The following ARMC9 variants were observed in gnomAD, a reference collection of about 807,000 sequenced individuals.
ARMC9 encodes armadillo repeat containing 9.
ARMC9 carries 94 observed loss-of-function variants against 107.0 expected under a neutral mutation model. The ratio of observed to expected loss-of-function variants is 0.88; its 90% CI spans 0.74 to 1.04. The LOEUF is 1.04. Among genes scored for constraint, ARMC9 ranks in the 50% least tolerant of loss-of-function variants. ARMC9 has a pLI of 0.00. For synonymous variants in ARMC9, 380 were observed against 396.9 expected (o/e 0.96, Z 0.51); for missense variants, 942 against 1,030.1 (o/e 0.91, Z 1.17).
chr2:231,360,069 G>A lies in ARMC9; in HGVS notation c.2132-685G>A, dbSNP rs988926504. Among the ~76,000 whole-genome samples the A allele has an allele frequency of 1.3e-5, 2 of 152,142 alleles. No individual in the cohort carries two copies. Among genetic ancestry groups the A allele is most frequent in the Non-Finnish European group, 2.9e-5 (2 of 68,012 alleles). ...TGTAGGAGAAGAGGAGAGGCGGGGT[G>A]GGGGAAGGGGTGCGTGGCATCTGAG... On this transcript the variant is annotated intron_variant, in intron 22 of 24. Coordinates refer to ENST00000611582, the MANE Select transcript of ARMC9 (RefSeq NM_001352754.2). The surrounding 1 kb of genome is among the most constrained non-coding windows in gnomAD (Gnocchi z 4.7).
intron 21 of ARMC9, among the ~76,000 whole-genome samples, chr2:231,352,501 T>A (rs964120174): frequency 1.4e-4 from 20 of 145,340 alleles, no homozygotes; most frequent in African/African-American, 5.3e-4. Context: ...TTATTTATTT[T>A]TTAGTAGAGA....
chr2:231,354,263 TAAAAAA>T (rs759691541), intron 21 of ARMC9, among the ~76,000 whole-genome samples: 2,547 of 100,420 alleles, frequency 0.025, 37 homozygotes, highest in Non-Finnish European at 0.036. Flanking sequence ...CATCTCCATT[TAAAAAA>T]AAAAAAAAAA....
intron 21 of ARMC9, among the ~76,000 whole-genome samples, chr2:231,350,395 C>T (rs1334499217): frequency 6.6e-6 from 1 of 151,972 alleles, no homozygotes; most frequent in Non-Finnish European, 1.5e-5. Flanking sequence ...ATGAAGACAG[C>T]CATCCTGTGT....
Position 231,375,992 on chromosome 2 carries a change from G to T in ARMC9, c.*4457G>T, listed in dbSNP as rs1048247034. On this transcript the variant is annotated 3_prime_UTR_variant, in exon 25 of 25. Transcript: ENST00000611582. The surrounding 1 kb of genome is among the most constrained non-coding windows in gnomAD (Gnocchi z 4.3). ...AATTAATACTTTTGTAATTTCTTAT[G>T]CCTGTCTTTACTACAGTCTCTAAAC... 9.2e-5 allele frequency among the ~76,000 whole-genome samples: 14 copies of T among 152,170 alleles called. No homozygotes were observed. The highest frequency in any genetic ancestry group is 1.8e-4 in the Non-Finnish European group (12 of 68,032).
intron 19 of ARMC9, among the ~76,000 whole-genome samples, chr2:231,320,112 C>G (rs996782932): frequency 5.8e-5 from 8 of 137,464 alleles, no homozygotes; most frequent in African/African-American, 1.6e-4. Context: ...ACCCAGTTCA[C>G]CCACTTAGCT....
At chr2:231,330,432 C>T (rs566125746) in intron 19 of ARMC9, among the ~76,000 whole-genome samples, 1 of 152,282 alleles carries the variant, frequency 6.6e-6, no homozygotes, top group African/African-American at 2.4e-5. Context: ...CGAGAGTGCC[C>T]CGTCACTCAC....
chr2:231,202,687 A>C (rs1053225259), intron 1 of ARMC9, among the ~76,000 whole-genome samples: 3 of 152,076 alleles, frequency 2.0e-5, no homozygotes, highest in African/African-American at 7.2e-5. Flanking sequence ...TATCCCTCTG[A>C]ATGCCGTTCC....
chr2:231,356,902 C>T (rs61485321), intron 22 of ARMC9, among the ~76,000 whole-genome samples: 20,878 of 152,126 alleles, frequency 0.14, 3,417 homozygotes, highest in African/African-American at 0.39. Flanking sequence ...TGAGTTAAAA[C>T]ATTTCAAGTT....
rs1417263100 is a variant in ARMC9 at position 231,234,942 on chromosome 2, GA to G, written c.623-279del. ...TTTCTTAGACCTAGAAGAACTAAAA[GA>G]AATTGCATGAGGTTCAGTCAAGGGA... On this transcript the variant is annotated intron_variant, in intron 7 of 24. Transcript: ENST00000611582. Among the ~76,000 whole-genome samples the G allele has an allele frequency of 6.6e-3, 1,009 of 152,312 alleles. 12 individuals are homozygous for G. The highest frequency in any genetic ancestry group is 0.023 in the African/African-American group (952 of 41,576).
intron 20 of ARMC9, among the ~76,000 whole-genome samples, chr2:231,338,221 CTT>C (rs869272919): frequency 8.5e-5 from 12 of 141,608 alleles, no homozygotes; most frequent in Admixed American, 1.4e-4. Flanking sequence ...GTGAAGTTCA[CTT>C]TTTTTTTTTT....
At chr2:231,229,457 G>T (rs116400341) in intron 7 of ARMC9, among the ~76,000 whole-genome samples, 1 of 152,152 alleles carries the variant, frequency 6.6e-6, no homozygotes, top group Non-Finnish European at 1.5e-5. Context: ...AAGGAATTAC[G>T]TTTGAAATGC....
chr2:231,238,821 T>G (rs1008511299), intron 8 of ARMC9, among the ~76,000 whole-genome samples: 1 of 152,224 alleles, frequency 6.6e-6, no homozygotes, highest in African/African-American at 2.4e-5. Flanking sequence ...TGCCACAGGA[T>G]GGACAGAGCC....
In ARMC9 at chr2:231,370,140, G is replaced by C; in HGVS notation, c.2434+15G>C. 2 of 1,506,348 alleles carry C rather than the reference G, an allele frequency of 1.3e-6. No individual in the cohort carries two copies. Among genetic ancestry groups the C allele is most frequent in the Non-Finnish European group, 1.8e-6 (2 of 1,128,448 alleles). The allele number at this position is 1,506,348 out of a possible 1,614,324, so 93.3% of individuals were successfully genotyped here. ...GGGCCTGCCGAGTAAGTCAGCCTGG[G>C]CCCCACTGGCGTGGGAGCCTGGCCA... On this transcript the variant is annotated intron_variant, in intron 24 of 24. Coordinates refer to ENST00000611582, the MANE Select transcript of ARMC9 (RefSeq NM_001352754.2).
chr2:231,281,683 G>A (rs2125452739), intron 16 of ARMC9, among the ~76,000 whole-genome samples: 1 of 152,222 alleles, frequency 6.6e-6, no homozygotes, highest in South Asian at 2.1e-4. Context: ...GAAAAAGAGG[G>A]GTTCCTATCG....
intron 19 of ARMC9, among the ~76,000 whole-genome samples, chr2:231,317,770 T>C (rs991037396): frequency 2.6e-5 from 4 of 152,200 alleles, no homozygotes; most frequent in Admixed American, 1.3e-4. Context: ...GTATCTGCTG[T>C]TGAGCTCATC....
At chr2:231,352,676 T>C (rs2045143579) in intron 21 of ARMC9, among the ~76,000 whole-genome samples, 2 of 148,720 alleles carry the variant, frequency 1.3e-5, no homozygotes, top group South Asian at 4.2e-4. Context: ...GATAGATAGA[T>C]AGATAGATAG....
At chr2:231,314,066 C>CT (rs1302812868) in intron 19 of ARMC9, among the ~76,000 whole-genome samples, 2,080 of 131,414 alleles carry the variant, frequency 0.016, 29 homozygotes, top group African/African-American at 0.044. Context: ...GCCATCTTTT[C>CT]TTTTTTTTTT....
chr2:231,355,963 G>T (rs1030475066), intron 22 of ARMC9, 29 bp downstream of exon 22: 5 of 1,525,256 alleles, frequency 3.3e-6, no homozygotes, highest in Non-Finnish European at 3.5e-6. Context: ...CACTGGGTCA[G>T]TTCTGGGATT....
At chr2:231,363,612 C>A (rs1027676665) in intron 23 of ARMC9, among the ~76,000 whole-genome samples, 3 of 152,082 alleles carry the variant, frequency 2.0e-5, no homozygotes, top group Admixed American at 6.6e-5. Context: ...ACCTGCCTGG[C>A]GCAGTGGCTC....
Sources: allele counts gnomAD v4.1 joint callset (sites outside exome capture counted in the v4.1 genomes callset), GRCh38; gene constraint gnomAD v4.1.1; non-coding constraint Gnocchi (gnomAD v3.1); transcripts MANE v1.5; gene names NCBI Gene and HGNC (gene_info 2026-07-23, HGNC 2026-07-21).